Variants in FHIT observed in about 807,000 individuals in gnomAD.
FHIT encodes the protein bis(5'-adenosyl)-triphosphatase.
In FHIT, 19 loss-of-function variants were observed where a neutral mutation model predicts 17.9. That is an observed-to-expected ratio of 1.06 (90% CI 0.74 to 1.56). FHIT has a LOEUF of 1.56. Among genes scored for constraint, FHIT ranks in the 40% most tolerant of loss-of-function variants. The probability of loss-of-function intolerance (pLI) is 0.00; values close to 1 mark genes in which losing one functional copy is unlikely to be tolerated. For missense variants in FHIT, 248 were observed against 189.2 expected, an observed-to-expected ratio of 1.31 and a Z score of -1.82; for synonymous variants, 81 against 69.7, an observed-to-expected ratio of 1.16 and a Z score of -0.81.
intron 5 of FHIT, among the ~76,000 whole-genome samples, chr3:60,363,759 C>T (rs1010354147): frequency 6.6e-6 from 1 of 152,096 alleles, no homozygotes; most frequent in Non-Finnish European, 1.5e-5. Context: ...CCCTGGCCCC[C>T]CTGGCCCCCC....
intron 3 of FHIT, among the ~76,000 whole-genome samples, chr3:61,036,243 G>T (rs1317731407): frequency 6.6e-6 from 1 of 152,120 alleles, no homozygotes; most frequent in African/African-American, 2.4e-5. Context: ...TGAACAGCCA[G>T]ATCTCCAAAA....
chr3:59,985,514 A>G (rs538031399), intron 7 of FHIT, among the ~76,000 whole-genome samples: 2 of 152,278 alleles, frequency 1.3e-5, no homozygotes, highest in Admixed American at 1.3e-4. Context: ...TGAATCTTGA[A>G]CATCTATGTA....
intron 5 of FHIT, among the ~76,000 whole-genome samples, chr3:60,421,917 A>C (rs925332442): frequency 2.0e-5 from 3 of 151,990 alleles, no homozygotes; most frequent in Admixed American, 6.6e-5. Context: ...CCATTGCAAA[A>C]CTCCACTGGC....
At chr3:60,878,007 T>C (rs1164509836) in intron 3 of FHIT, among the ~76,000 whole-genome samples, 6 of 152,124 alleles carry the variant, frequency 3.9e-5, no homozygotes, top group African/African-American at 1.4e-4. Flanking sequence ...CTCAGGGACC[T>C]AAGCTGCCAC....
At chr3:60,859,786 G>GT (rs1354282265) in intron 3 of FHIT, among the ~76,000 whole-genome samples, 1 of 106,734 alleles carries the variant, frequency 9.4e-6, no homozygotes, top group Non-Finnish European at 1.7e-5. Flanking sequence ...GCTCATGCCT[G>GT]TAATCCCAGC....
chr3:60,964,083 T>A (rs1249651489), intron 3 of FHIT, among the ~76,000 whole-genome samples: 3 of 152,180 alleles, frequency 2.0e-5, no homozygotes, highest in East Asian at 3.8e-4. Flanking sequence ...TTTGTAGGTC[T>A]CTAAGGGCTT....
At chr3:61,245,945 T>TAGA (rs1195957801) in intron 1 of FHIT, among the ~76,000 whole-genome samples, 1 of 152,164 alleles carries the variant, frequency 6.6e-6, no homozygotes, top group Non-Finnish European at 1.5e-5. Flanking sequence ...CAAGATAAGA[T>TAGA]AGAAGGTTGG....
intron 3 of FHIT, among the ~76,000 whole-genome samples, chr3:61,033,861 T>C (rs2033120094): frequency 6.6e-6 from 1 of 152,172 alleles, no homozygotes; most frequent in Non-Finnish European, 1.5e-5. Context: ...CACACAAAGA[T>C]GGGTCAGTGG....
intron 5 of FHIT, among the ~76,000 whole-genome samples, chr3:60,486,121 T>A (rs13091743): frequency 0.056 from 8,532 of 152,148 alleles, 246 homozygotes; most frequent in African/African-American, 0.078. Flanking sequence ...CTGTCCACTC[T>A]AATAGGAACT....
intron 7 of FHIT, among the ~76,000 whole-genome samples, chr3:59,985,246 A>G (rs192662987): frequency 4.6e-5 from 7 of 152,128 alleles, no homozygotes; most frequent in African/African-American, 1.2e-4. Context: ...GCAGAGCCCA[A>G]ATGATCTCCA....
rs137896274 is a variant in FHIT at position 60,591,156 on chromosome 3, C to T, written c.-17-54177G>A. Among the ~76,000 whole-genome samples, 9 of 152,168 alleles carry T rather than the reference C, an allele frequency of 5.9e-5. No homozygotes were observed. In the East Asian group the frequency reaches 1.7e-3, roughly 30 times the overall value. On this transcript the variant is annotated intron_variant, in intron 4 of 9. Transcript: ENST00000492590. ...TGATAAGAATAAAGGAAAAGCATAGCACCCCACAAACTAAAACATATTTTC... is the reference window on the plus strand; with the variant it reads ...TGATAAGAATAAAGGAAAAGCATAGTACCCCACAAACTAAAACATATTTTC...
intron 2 of FHIT, among the ~76,000 whole-genome samples, chr3:61,043,465 A>G (rs573364590): frequency 4.6e-5 from 7 of 152,142 alleles, no homozygotes; most frequent in Admixed American, 2.6e-4. Context: ...TAGGAAAACA[A>G]AGAGGCCCAG....
intron 5 of FHIT, among the ~76,000 whole-genome samples, chr3:60,338,432 C>T (rs1219644681): frequency 6.6e-6 from 1 of 152,194 alleles, no homozygotes; most frequent in Non-Finnish European, 1.5e-5. Context: ...GCGGCATGAT[C>T]TCCACCAGGC....
At chr3:60,266,310 G>A (rs1462937323) in intron 5 of FHIT, among the ~76,000 whole-genome samples, 1 of 152,046 alleles carries the variant, frequency 6.6e-6, no homozygotes, top group Non-Finnish European at 1.5e-5. Context: ...GACCACAACT[G>A]TGTGATTTCA....
At chr3:60,567,780 G>T (rs1453090246) in intron 4 of FHIT, among the ~76,000 whole-genome samples, 8 of 151,974 alleles carry the variant, frequency 5.3e-5, no homozygotes, top group African/African-American at 1.4e-4. Flanking sequence ...AACAGTCCCA[G>T]CAAAAAGTGG....
chr3:60,535,602 A>C (rs190615578), intron 5 of FHIT, among the ~76,000 whole-genome samples: 1 of 151,790 alleles, frequency 6.6e-6, no homozygotes, highest in South Asian at 2.1e-4. Flanking sequence ...TTTTTTTAAT[A>C]AACAGAAGAA....
intron 8 of FHIT, among the ~76,000 whole-genome samples, chr3:59,847,952 CG>C (rs1701782325): frequency 1.3e-5 from 2 of 151,940 alleles, no homozygotes; most frequent in African/African-American, 4.8e-5. Flanking sequence ...TTAAGGGAAG[CG>C]AAAAAAGGCA....
chr3:60,928,197 GA>G (rs1553770581), intron 3 of FHIT, among the ~76,000 whole-genome samples: 1 of 151,846 alleles, frequency 6.6e-6, no homozygotes, highest in African/African-American at 2.4e-5. Context: ...CTCTGCCTAG[GA>G]AAACCAGAGA....
At chr3:60,938,382 T>G (rs546789059) in intron 3 of FHIT, among the ~76,000 whole-genome samples, 11 of 152,266 alleles carry the variant, frequency 7.2e-5, no homozygotes, top group Non-Finnish European at 1.5e-4. Context: ...CCCTTGGCCT[T>G]GGTTTTCTCA....
Sources: allele counts gnomAD v4.1 joint callset (sites outside exome capture counted in the v4.1 genomes callset), GRCh38; gene constraint gnomAD v4.1.1; transcripts MANE v1.5; gene names NCBI Gene and HGNC (gene_info 2026-07-23, HGNC 2026-07-21).